Variants in ALG3 observed in about 807,000 individuals in gnomAD.
The protein encoded by ALG3 is ALG3 alpha-1,3- mannosyltransferase.
In ALG3, 39 loss-of-function variants were observed where a neutral mutation model predicts 50.5. The observed-to-expected ratio is 0.77, with a 90% CI of 0.60 to 1.01. The LOEUF is 1.01. Among genes scored for constraint, ALG3 ranks in the 50% least tolerant of loss-of-function variants. The pLI is 0.00. For synonymous variants in ALG3, 252 were observed against 237.2 expected (o/e 1.06, Z -0.58); for missense variants, 520 against 554.8 (o/e 0.94, Z 0.63).
At chr3:184,248,182 C>T (rs1412080925) in intron 1 of ALG3, among the ~76,000 whole-genome samples, 1 of 152,172 alleles carries the variant, frequency 6.6e-6, no homozygotes, top group African/African-American at 2.4e-5. Context: ...ACCACTGTAC[C>T]TCTCTCTGGT....
upstream of ALG3, chr3:184,249,064 A>G (rs1719375613): frequency 6.7e-7 from 1 of 1,487,528 alleles, no homozygotes; most frequent in Admixed American, 2.0e-5. Context: ...GCCAGTCTTC[A>G]TTTACTCCAC....
chr3:184,245,232 C>G lies in ALG3; in HGVS notation c.571G>C (p.Ala191Pro), dbSNP rs777960788. 2 of 1,613,892 alleles carry G rather than the reference C, an allele frequency of 1.2e-6. No individual in the cohort carries two copies. The highest frequency in any genetic ancestry group is 2.2e-5 in the East Asian group (1 of 44,870). The change falls in exon 4 of 9, where the codon GCC becomes CCC. Residue 191 changes from alanine (A) to proline (P), a missense_variant. Ala to Pro is a conservative substitution (Grantham distance 27, BLOSUM62 -1). Transcript: ENST00000397676. ...LLFLSINLLL[A>P]QRWGWGCCFF... The stretch of plus-strand genomic sequence containing the variant: ...CAGCAACCCCAGCCCCAGCGCTGGG[C>G]CAGCAGGAGGTTGATACTGAGGAAG...
chr3:184,244,959 T>C (rs1342208750), intron 4 of ALG3: 9 of 738,352 alleles, frequency 1.2e-5, no homozygotes, highest in Non-Finnish European at 2.0e-5. Context: ...GTATTTAGAA[T>C]GTGAAGGACT....
chr3:184,245,243 T>C lies in ALG3; in HGVS notation c.560A>G (p.Asn187Ser), dbSNP rs201162134. The change falls in exon 4 of 9, where the codon AAC becomes AGC. Residue 187 changes from asparagine (N) to serine (S), a missense_variant. By Grantham distance (46) the Asn-to-Ser change is conservative (BLOSUM62 1). Around this residue, in one of 3 missense-constraint regions of ALG3, gnomAD observed 290 missense variants for 265.9 expected, o/e 1.09. Coordinates refer to ENST00000397676, the MANE Select transcript of ALG3 (RefSeq NM_005787.6). ...VAMVLLFLSINLLLAQRWGWG... is the reference protein window; with the variant it reads ...VAMVLLFLSISLLLAQRWGWG... ...GCCCCAGCGCTGGGCCAGCAGGAGG[T>C]TGATACTGAGGAAGAGCAGCACCAT... 8 of 1,613,486 alleles carry C rather than the reference T, an allele frequency of 5.0e-6. No individual in the cohort carries two copies. In the African/African-American group the frequency reaches 5.3e-5, roughly 11 times the overall value.
At chr3:184,249,448 G>A, upstream of ALG3, 1 of 797,572 alleles carries the variant, frequency 1.3e-6, no homozygotes, top group Non-Finnish European at 2.0e-6. Flanking sequence ...GAGCCCACGT[G>A]AGTCTGACAC....
At position 184,245,690 on chromosome 3, in the gene ALG3, C is replaced by A. The variant is rs374182897; in HGVS notation, c.296+23G>T. The A allele has an allele frequency of 3.7e-5, 59 of 1,610,708 alleles. No individual in the cohort carries two copies. In the African/African-American group the frequency reaches 6.3e-4, roughly 17 times the overall value. On this transcript the variant is annotated intron_variant, in intron 2 of 8. Transcript: ENST00000397676. ...ACCTAACCAGCCCCTCACATCCTCC[C>A]TGAACTTCCTGTCCCCACTCACACA...
chr3:184,242,736 T>C, intron 8 of ALG3, 60 bp from the exon 9 acceptor site: 1 of 1,586,594 alleles, frequency 6.3e-7, no homozygotes, highest in Non-Finnish European at 8.6e-7. Flanking sequence ...GACCTGCAGC[T>C]CCTCATGCCC....
chr3:184,243,773 A>G lies in ALG3; in HGVS notation c.932+18T>C. 5.0e-6 allele frequency: 8 copies of G among 1,608,132 alleles called. No homozygotes were observed. The highest frequency in any genetic ancestry group is 1.1e-5 in the South Asian group (1 of 90,046). ...TCCTTCCCCCAACTCTGCCCATGGCACTACTGCCTTTTCTCACCTGTGCCA... is the reference window on the plus strand; with the variant it reads ...TCCTTCCCCCAACTCTGCCCATGGCGCTACTGCCTTTTCTCACCTGTGCCA... On this transcript the variant is annotated intron_variant, in intron 6 of 8. Coordinates refer to ENST00000397676, the MANE Select transcript of ALG3 (RefSeq NM_005787.6).
rs770426998 is a variant in ALG3 at position 184,248,832 on chromosome 3, G to A, written c.109C>T (p.Arg37Trp). Residue 37 changes from arginine (R) to tryptophan (W), a missense_variant, in exon 1 of 9, where the codon CGG becomes TGG. Coordinates refer to ENST00000397676, the MANE Select transcript of ALG3 (RefSeq NM_005787.6). ...ACCAGCAGCGTGTAGCGCGGCTCCC[G>A]CAGCAGCAGGCGCCGCTCTTGCCAG... ...RAWQERRLLLREPRYTLLVAA... is the reference protein window; with the variant it reads ...RAWQERRLLLWEPRYTLLVAA... 1.2e-6 allele frequency: 2 copies of A among 1,607,486 alleles called. No homozygotes were observed. The highest frequency in any genetic ancestry group is 8.5e-7 in the Non-Finnish European group (1 of 1,177,268).
At position 184,243,616 on chromosome 3, in the gene ALG3, A is replaced by G. The variant is rs539976754; in HGVS notation, c.947T>C (p.Ile316Thr). 3 of 1,613,896 alleles carry G rather than the reference A, an allele frequency of 1.9e-6. No homozygotes were observed. In the African/African-American group the frequency reaches 4.0e-5, roughly 22 times the overall value. Residue 316 changes from isoleucine to threonine, a missense_variant, in exon 7 of 9, where the codon ATC becomes ACC. Transcript: ENST00000397676. ...LCRWHRTGES[I>T]LSLLRDPSKR... is the part of the protein sequence containing the mutation. ...GGAGGGATCCCTCAGCAGCGACAAGATACTTTCCCCTGTCCTGGAGAAAAG... is the reference window on the plus strand; with the variant it reads ...GGAGGGATCCCTCAGCAGCGACAAGGTACTTTCCCCTGTCCTGGAGAAAAG...
chr3:184,249,087 T>G (rs1367749972), upstream of ALG3: 1 of 1,483,580 alleles, frequency 6.7e-7, no homozygotes, highest in African/African-American at 1.4e-5. Flanking sequence ...AAATGTAATT[T>G]TTCTGCATTT....
chr3:184,247,391 G>A (rs532449523), intron 1 of ALG3, among the ~76,000 whole-genome samples: 4 of 151,180 alleles, frequency 2.6e-5, no homozygotes, highest in South Asian at 2.1e-4. Flanking sequence ...TCCACCTCCC[G>A]GGTTCAAGCA....
intron 4 of ALG3, 76 bp from the exon 5 acceptor site, chr3:184,244,797 C>G (rs1011236119): frequency 1.4e-5 from 21 of 1,530,112 alleles, no homozygotes; most frequent in African/African-American, 9.7e-5. Context: ...ACATACCCCC[C>G]ACCATCACCA....
At chr3:184,243,721 G>A (rs1296153953) in intron 6 of ALG3, 70 bp downstream of exon 6, 1 of 1,592,592 alleles carries the variant, frequency 6.3e-7, no homozygotes, top group Non-Finnish European at 8.6e-7. Context: ...CTTCCCCCAA[G>A]CAGCCCCTAA....
chr3:184,243,023 A>G (rs1157985152), intron 7 of ALG3, 66 bp from the exon 8 acceptor site: 5 of 1,586,800 alleles, frequency 3.2e-6, no homozygotes, highest in Non-Finnish European at 4.3e-6. Context: ...ACAGAGGGGC[A>G]ATAGTTTTTA....
intron 7 of ALG3, 132 bp downstream of exon 7, chr3:184,243,422 G>A (rs1560162443): frequency 1.3e-6 from 1 of 761,980 alleles, no homozygotes; most frequent in East Asian, 2.7e-5. Flanking sequence ...CAGCACAGTG[G>A]TGCAGAATAG....
rs753998932 is a variant in ALG3 at position 184,245,236 on chromosome 3, C to T, written c.567G>A (p.Leu189=). The change falls in exon 4 of 9, where the codon CTG becomes CTA. Residue 189 remains leucine, a synonymous_variant. Coordinates refer to ENST00000397676, the MANE Select transcript of ALG3 (RefSeq NM_005787.6). ...AACCCCAGCCCCAGCGCTGGGCCAGCAGGAGGTTGATACTGAGGAAGAGCA... is the reference window on the plus strand; with the variant it reads ...AACCCCAGCCCCAGCGCTGGGCCAGTAGGAGGTTGATACTGAGGAAGAGCA... ...MVLLFLSINL[L]LAQRWGWGCC... is the part of the protein sequence containing the mutation. 7 of 1,613,764 alleles carry T rather than the reference C, an allele frequency of 4.3e-6. No homozygotes were observed. The East Asian group carries it at 8.9e-5, about 21-fold the overall frequency.
intron 1 of ALG3, among the ~76,000 whole-genome samples, chr3:184,247,145 C>G (rs1375562368): frequency 6.6e-6 from 1 of 152,032 alleles, no homozygotes; most frequent in Non-Finnish European, 1.5e-5. Flanking sequence ...CTCAGGTGAT[C>G]TGCCCGCCTC....
At chr3:184,243,184 A>C (rs1718929558) in intron 7 of ALG3, 1 of 619,220 alleles carries the variant, frequency 1.6e-6, no homozygotes, top group African/African-American at 1.8e-5. Context: ...CCCCTAACTT[A>C]CTGGCTGTGT....
Sources: gnomAD v4.1 joint callset for allele counts (sites outside exome capture counted in the v4.1 genomes callset) on GRCh38, gnomAD v4.1.1 for gene constraint, gnomAD v4.1.1 regional missense constraint, MANE v1.5 for transcripts, NCBI Gene and HGNC (gene_info 2026-07-23, HGNC 2026-07-21) for gene names.